The following DDX10 variants were observed in gnomAD, a reference collection of about 807,000 sequenced individuals.
DDX10 encodes DEAD-box helicase 10.
Under a neutral mutation model 104.3 loss-of-function variants are expected in DDX10, and 74 were observed. The ratio of observed to expected loss-of-function variants is 0.71; its 90% CI spans 0.59 to 0.86. DDX10 has a LOEUF of 0.86. Among genes scored for constraint, DDX10 ranks in the 40% least tolerant of loss-of-function variants. The probability of loss-of-function intolerance (pLI) is 0.00; values close to 1 mark genes in which losing one functional copy is unlikely to be tolerated. For synonymous variants in DDX10, 351 were observed against 353.4 expected (o/e 0.99, Z 0.08); for missense variants, 952 against 1,040.0 (o/e 0.92, Z 1.16).
At chr11:108,809,530 T>C (rs1215373193) in intron 13 of DDX10, among the ~76,000 whole-genome samples, 41 of 152,124 alleles carry the variant, frequency 2.7e-4, no homozygotes, top group Admixed American at 1.6e-3. Context: ...AATTAAAGGA[T>C]AGGAGTGAAT....
intron 6 of DDX10, among the ~76,000 whole-genome samples, chr11:108,682,775 G>C (rs998052433): frequency 2.0e-5 from 3 of 152,048 alleles, no homozygotes; most frequent in African/African-American, 7.2e-5. Context: ...CTTTTGCTCA[G>C]ATAATTTCCT....
chr11:108,699,661 G>A (rs1226505098), intron 9 of DDX10, among the ~76,000 whole-genome samples: 2 of 152,148 alleles, frequency 1.3e-5, no homozygotes, highest in African/African-American at 2.4e-5. Flanking sequence ...AACATCCTGG[G>A]GTTGCATGTC....
At chr11:108,744,070 A>G (rs2094328499) in intron 13 of DDX10, among the ~76,000 whole-genome samples, 1 of 152,204 alleles carries the variant, frequency 6.6e-6, no homozygotes, top group African/African-American at 2.4e-5. Context: ...ACTTAGTGGT[A>G]TAACAGAGAA....
chr11:108,860,999 C>CTTGA (rs1483660681), intron 16 of DDX10: 1 of 151,972 alleles, frequency 6.6e-6, no homozygotes, highest in Non-Finnish European at 1.5e-5. Flanking sequence ...TGAGTGTCAA[C>CTTGA]TTGATTGGAT....
intron 13 of DDX10, among the ~76,000 whole-genome samples, chr11:108,725,558 A>C (rs1476339153): frequency 6.6e-6 from 1 of 152,030 alleles, no homozygotes; most frequent in Non-Finnish European, 1.5e-5. Flanking sequence ...CATTTCCCTA[A>C]TGACTGAACA....
chr11:108,780,993 T>C (rs982920876), intron 13 of DDX10, among the ~76,000 whole-genome samples: 2 of 152,188 alleles, frequency 1.3e-5, no homozygotes, highest in East Asian at 3.9e-4. Flanking sequence ...GATTGCTACA[T>C]GGATGTATTG....
chr11:108,688,097 A>ACAC (rs2094247202), intron 6 of DDX10, among the ~76,000 whole-genome samples: 4 of 152,182 alleles, frequency 2.6e-5, no homozygotes, highest in Non-Finnish European at 5.9e-5. Context: ...GTGGCTGTGT[A>ACAC]ATTGTTCATA....
chr11:108,793,344 C>A (rs749676990), intron 13 of DDX10, among the ~76,000 whole-genome samples: 21 of 152,144 alleles, frequency 1.4e-4, no homozygotes, highest in Non-Finnish European at 2.4e-4. Context: ...AGATGCAAAT[C>A]AGCAAATCTC....
chr11:108,728,224 C>T (rs2094307656), intron 13 of DDX10, among the ~76,000 whole-genome samples: 1 of 152,108 alleles, frequency 6.6e-6, no homozygotes, highest in Non-Finnish European at 1.5e-5. Context: ...CTCAGTCCTG[C>T]TCAGACTTAG....
intron 13 of DDX10, among the ~76,000 whole-genome samples, chr11:108,812,509 TATAA>T (rs1168881071): frequency 6.6e-6 from 1 of 152,202 alleles, no homozygotes; most frequent in Non-Finnish European, 1.5e-5. Flanking sequence ...TGCACTAATT[TATAA>T]ATATATTTAA....
chr11:108,748,564 C>T (rs1172545715), intron 13 of DDX10, among the ~76,000 whole-genome samples: 1 of 152,066 alleles, frequency 6.6e-6, no homozygotes, highest in African/African-American at 2.4e-5. Flanking sequence ...CTGATTACAA[C>T]CGAATTAAAA....
intron 16 of DDX10, among the ~76,000 whole-genome samples, chr11:108,878,969 G>A (rs1863189227): frequency 6.6e-6 from 1 of 152,074 alleles, no homozygotes; most frequent in Non-Finnish European, 1.5e-5. Flanking sequence ...ATTGAGGATA[G>A]AACACTTTTT....
At chr11:108,902,147 A>T (rs556304545) in intron 16 of DDX10, among the ~76,000 whole-genome samples, 17 of 152,190 alleles carry the variant, frequency 1.1e-4, no homozygotes, top group Non-Finnish European at 2.5e-4. Flanking sequence ...TCAGGAATAG[A>T]GTCTCTAACA....
At chr11:108,786,617 C>T (rs532499571) in intron 13 of DDX10, among the ~76,000 whole-genome samples, 8 of 152,090 alleles carry the variant, frequency 5.3e-5, no homozygotes, top group Admixed American at 3.3e-4. Context: ...TGCCCTTCTT[C>T]GTTCTCCCTG....
chr11:108,832,292 A>C (rs914530043), intron 13 of DDX10, among the ~76,000 whole-genome samples: 4 of 152,234 alleles, frequency 2.6e-5, no homozygotes, highest in African/African-American at 4.8e-5. Context: ...GGAAAACTAA[A>C]GTTTGGTACA....
chr11:108,880,959 G>T (rs1414146690), intron 16 of DDX10, among the ~76,000 whole-genome samples: 2 of 152,066 alleles, frequency 1.3e-5, no homozygotes. Context: ...CCTGAAAAAA[G>T]CCTTATTTTT....
At chr11:108,777,222 G>A (rs911375181) in intron 13 of DDX10, among the ~76,000 whole-genome samples, 3 of 152,142 alleles carry the variant, frequency 2.0e-5, no homozygotes, top group African/African-American at 7.2e-5. Flanking sequence ...ATTTGTAATT[G>A]TTGCTATGAG....
At chr11:108,769,814 A>G (rs2094360699) in intron 13 of DDX10, among the ~76,000 whole-genome samples, 1 of 152,204 alleles carries the variant, frequency 6.6e-6, no homozygotes, top group Non-Finnish European at 1.5e-5. Context: ...TCTGTGGGTT[A>G]TACCTATTGA....
chr11:108,835,585 A>G (rs1282581856), intron 13 of DDX10, among the ~76,000 whole-genome samples: 2 of 152,252 alleles, frequency 1.3e-5, no homozygotes, highest in South Asian at 2.1e-4. Flanking sequence ...AGCGAAAGCA[A>G]TAATTTATTA....
Sources: allele counts gnomAD v4.1 joint callset (sites outside exome capture counted in the v4.1 genomes callset), GRCh38; gene constraint gnomAD v4.1.1; transcripts MANE v1.5; gene names NCBI Gene and HGNC (gene_info 2026-07-23, HGNC 2026-07-21).